The following CHRM3 variants were observed in gnomAD, a reference collection of about 807,000 sequenced individuals.
The protein encoded by CHRM3 is cholinergic receptor muscarinic 3, also known as muscarinic acetylcholine receptor M3.
Under a neutral mutation model 41.8 loss-of-function variants are expected in CHRM3, and 11 were observed. That is an observed-to-expected ratio of 0.26 (90% CI 0.17 to 0.44). The LOEUF (loss-of-function observed/expected upper bound fraction) is 0.44. Ranked by LOEUF, CHRM3 falls within the 20% of genes least tolerant of loss-of-function variation. The pLI, the probability that CHRM3 is intolerant of heterozygous loss-of-function variation, is 1.00. For synonymous variants in CHRM3, 297 were observed against 301.4 expected (o/e 0.99, Z 0.15); for missense variants, 571 against 745.4 (o/e 0.77, Z 2.72).
At chr1:239,776,421 A>G (rs1390771765) in intron 5 of CHRM3, among the ~76,000 whole-genome samples, 1 of 152,248 alleles carries the variant, frequency 6.6e-6, no homozygotes, top group Non-Finnish European at 1.5e-5. Context: ...CAGTGATTAC[A>G]TAGAATAATA....
intron 1 of CHRM3, among the ~76,000 whole-genome samples, chr1:239,408,050 C>A (rs1246936698): frequency 6.6e-6 from 1 of 152,110 alleles, no homozygotes; most frequent in Non-Finnish European, 1.5e-5. Flanking sequence ...TTCCCATAAT[C>A]CCCATGTGTG....
At chr1:239,662,884 T>TCC (rs1673348228) in intron 4 of CHRM3, among the ~76,000 whole-genome samples, 1 of 119,486 alleles carries the variant, frequency 8.4e-6, no homozygotes. Context: ...CTTTCTCCTC[T>TCC]TCCTCCTCCT....
At chr1:239,771,950 A>C (rs577598206) in intron 5 of CHRM3, among the ~76,000 whole-genome samples, 3 of 152,222 alleles carry the variant, frequency 2.0e-5, no homozygotes, top group African/African-American at 7.2e-5. Context: ...TTGTGGTTCT[A>C]TCTTGGTTAA....
At chr1:239,690,280 C>T (rs990086793) in intron 5 of CHRM3, among the ~76,000 whole-genome samples, 16 of 152,090 alleles carry the variant, frequency 1.1e-4, no homozygotes, top group South Asian at 2.1e-4. Context: ...GCTGGAGTGA[C>T]GGGATCTCGA....
Position 239,545,726 on chromosome 1 carries a change from G to A in CHRM3, c.-336G>A, listed in dbSNP as rs1365075370. 1 of 152,070 alleles carries A rather than the reference G, an allele frequency of 6.6e-6. No individual in the cohort carries two copies. The highest frequency in any genetic ancestry group is 6.6e-5 in the Admixed American group (1 of 15,254). 9.4% of individuals were successfully genotyped at this position (152,070 alleles called of 1,614,324 possible). A position where few individuals can be genotyped will look rare whatever the true frequency, so the allele number is the denominator to read the frequency against. On this transcript the variant is annotated 5_prime_UTR_variant, in exon 3 of 7. It removes an upstream start codon present in the reference 5' UTR. Coordinates refer to ENST00000676153, the MANE Select transcript of CHRM3 (RefSeq NM_001375978.1). ...GAACTGTATCCATCCCCATCATGAT[G>A]TACAGAACCAAGTCTCTTCACTAGT...
chr1:239,536,325 C>T lies in CHRM3; in HGVS notation c.-421-9316C>T, dbSNP rs183247822. 1.6e-3 allele frequency among the ~76,000 whole-genome samples: 239 copies of T among 152,266 alleles called. 2 individuals are homozygous for T. The highest frequency in any genetic ancestry group is 5.6e-3 in the African/African-American group (231 of 41,538). ...TAGCTGGAAGACACGGTTACAAGTACTCTCTTGGCTACAGTCATCCTCCTC... is the reference window on the plus strand; with the variant it reads ...TAGCTGGAAGACACGGTTACAAGTATTCTCTTGGCTACAGTCATCCTCCTC... On this transcript the variant is annotated intron_variant, in intron 2 of 6. Coordinates refer to ENST00000676153, the MANE Select transcript of CHRM3 (RefSeq NM_001375978.1).
chr1:239,795,663 T>C (rs1479884813), intron 5 of CHRM3, among the ~76,000 whole-genome samples: 1 of 152,224 alleles, frequency 6.6e-6, no homozygotes, highest in Non-Finnish European at 1.5e-5. Context: ...AAGAACTTTA[T>C]TGATCTATGA....
At chr1:239,899,754 T>C (rs1361765534) in intron 6 of CHRM3, 1 of 152,158 alleles carries the variant, frequency 6.6e-6, no homozygotes, top group Non-Finnish European at 1.5e-5. Context: ...AAGGCACTGA[T>C]GGTACCCACG....
At chr1:239,574,015 A>G (rs1373627256) in intron 3 of CHRM3, among the ~76,000 whole-genome samples, 3 of 152,086 alleles carry the variant, frequency 2.0e-5, no homozygotes, top group Non-Finnish European at 1.5e-5. Context: ...TTTGCCCTGT[A>G]CAAGGATGAC....
chr1:239,847,150 C>T (rs548662947), intron 6 of CHRM3, among the ~76,000 whole-genome samples: 84 of 152,210 alleles, frequency 5.5e-4, no homozygotes, highest in Non-Finnish European at 9.1e-4. Flanking sequence ...AAAAATAAGA[C>T]GAAAGTGAGG....
chr1:239,636,386 C>T (rs573478894), intron 4 of CHRM3, among the ~76,000 whole-genome samples: 9 of 152,318 alleles, frequency 5.9e-5, no homozygotes, highest in African/African-American at 1.9e-4. Context: ...TAGCACATTT[C>T]AGAGTTTATT....
chr1:239,836,506 C>A (rs984264610), intron 6 of CHRM3, among the ~76,000 whole-genome samples: 3 of 152,128 alleles, frequency 2.0e-5, no homozygotes, highest in Non-Finnish European at 4.4e-5. Context: ...CAGGAGCCCT[C>A]CTGTCCTTTA....
At chr1:239,727,072 A>G (rs1663507132) in intron 5 of CHRM3, among the ~76,000 whole-genome samples, 1 of 151,880 alleles carries the variant, frequency 6.6e-6, no homozygotes, top group Middle Eastern at 3.2e-3. Context: ...TATAGTGATA[A>G]TAATAGTACT....
At chr1:239,551,383 A>G (rs1659811546) in intron 3 of CHRM3, among the ~76,000 whole-genome samples, 1 of 151,624 alleles carries the variant, frequency 6.6e-6, no homozygotes, top group Non-Finnish European at 1.5e-5. Context: ...GCTGGTCTCG[A>G]ACTCCCAACC....
At chr1:239,858,613 G>A (rs1285672603) in intron 6 of CHRM3, among the ~76,000 whole-genome samples, 1 of 151,324 alleles carries the variant, frequency 6.6e-6, no homozygotes, top group Non-Finnish European at 1.5e-5. Flanking sequence ...TTTATATAAC[G>A]TAAAATTAGT....
rs1676633587 is a variant in CHRM3 at position 239,872,043 on chromosome 1, GCTAACACAC to G, written c.-19-35387_-19-35379del. On this transcript the variant is annotated intron_variant, in intron 6 of 6. Transcript: ENST00000676153. ...TTGTTCGAATAAACTTTGTAAGAAA[GCTAACACAC>G]CTCACCCCACACTAGCCACTGGTCT... 2.0e-5 allele frequency among the ~76,000 whole-genome samples: 3 copies of G among 152,156 alleles called. No homozygotes were observed. In the South Asian group the frequency reaches 6.2e-4, roughly 31 times the overall value.
chr1:239,739,496 C>T (rs1458187633), intron 5 of CHRM3, among the ~76,000 whole-genome samples: 4 of 152,096 alleles, frequency 2.6e-5, no homozygotes, highest in Non-Finnish European at 4.4e-5. Flanking sequence ...TCCCCTTGTG[C>T]GTAGAATATT....
chr1:239,825,197 C>T (rs996656549), intron 5 of CHRM3, among the ~76,000 whole-genome samples: 1 of 152,170 alleles, frequency 6.6e-6, no homozygotes. Context: ...AAATCATGGT[C>T]ATTCGTATTT....
intron 1 of CHRM3, among the ~76,000 whole-genome samples, chr1:239,391,912 C>T (rs1659068338): frequency 6.6e-6 from 1 of 152,180 alleles, no homozygotes; most frequent in South Asian, 2.1e-4. Flanking sequence ...CTTCTGATTC[C>T]ACAACCAGTG....
Sources: gnomAD v4.1 joint callset for allele counts (sites outside exome capture counted in the v4.1 genomes callset) on GRCh38, gnomAD v4.1.1 for gene constraint, MANE v1.5 for transcripts, NCBI Gene and HGNC (gene_info 2026-07-23, HGNC 2026-07-21) for gene names.